Variants in TRIB3 observed in about 807,000 individuals in gnomAD.
The protein encoded by TRIB3 is tribbles pseudokinase 3.
In TRIB3, 20 loss-of-function variants were observed where a neutral mutation model predicts 16.6. The ratio of observed to expected loss-of-function variants is 1.20; its 90% CI spans 0.85 to 1.75. The LOEUF (loss-of-function observed/expected upper bound fraction) is 1.75, where lower values mean the gene tolerates loss of function less well. Ranked by LOEUF, TRIB3 falls within the 40% of genes most tolerant of loss-of-function variation. The pLI is 0.00. For missense variants in TRIB3, 484 were observed against 488.9 expected, an observed-to-expected ratio of 0.99 and a Z score of 0.10; for synonymous variants, 208 against 217.0, an observed-to-expected ratio of 0.96 and a Z score of 0.36.
At position 396,816 on chromosome 20, in the gene TRIB3, G is replaced by A. The variant is rs1442908833; in HGVS notation, c.*126G>A. 4 of 1,389,568 alleles carry A rather than the reference G, an allele frequency of 2.9e-6. No homozygotes were observed. Among genetic ancestry groups the A allele is most frequent in the Admixed American group, 2.4e-5 (1 of 42,350 alleles). The allele number at this position is 1,389,568 out of a possible 1,614,324, so 86.1% of individuals were successfully genotyped here. A position where few individuals can be genotyped will look rare whatever the true frequency, so the allele number is the denominator to read the frequency against. On this transcript the variant is annotated 3_prime_UTR_variant, in exon 4 of 4. Transcript: ENST00000217233. ...CCAGAAGGGAGAAAGGCAGAAGCCT[G>A]TGTGGAGTGTGCTGTGTACACATCT...
In TRIB3 at chr20:386,765, G is replaced by GA. The variant is rs575618203; in HGVS notation, c.1-1246_1-1245insA. On this transcript the variant is annotated intron_variant, in intron 1 of 3. Transcript: ENST00000217233. ...TTTTTCTATTTTTAGTAGAGATGGGGTTTCACCATGTTGGCCAGGCTGGTC... is the reference window on the plus strand; with the variant it reads ...TTTTTCTATTTTTAGTAGAGATGGGGATTTCACCATGTTGGCCAGGCTGGTC... Among the ~76,000 whole-genome samples the GA allele has an allele frequency of 1.3e-4, 19 of 151,440 alleles. 1 individual carries two copies. The South Asian group carries it at 4.0e-3, about 32-fold the overall frequency.
chr20:392,302 G>T (rs1418788516), intron 3 of TRIB3, among the ~76,000 whole-genome samples: 1 of 152,122 alleles, frequency 6.6e-6, no homozygotes, highest in Non-Finnish European at 1.5e-5. Context: ...CAGAGCCTGG[G>T]TCTTAATTCA....
intron 3 of TRIB3, among the ~76,000 whole-genome samples, chr20:395,376 GTCTTGAAC>G (rs2015097378): frequency 6.6e-6 from 1 of 151,874 alleles, no homozygotes. Context: ...GCCCAGGCTG[GTCTTGAAC>G]TCCTGAACTC....
rs560783128 is a variant in TRIB3 at position 392,461 on chromosome 20, G to A, written c.584+882G>A. On this transcript the variant is annotated intron_variant, in intron 3 of 3. Coordinates refer to ENST00000217233, the MANE Select transcript of TRIB3 (RefSeq NM_021158.5). ...ATTCCAAGACCACAGCCAAAATAGG[G>A]TCTGAGGTTCCCCACACGGGAACGT... Among the ~76,000 whole-genome samples, 7 of 152,238 alleles carry A rather than the reference G, an allele frequency of 4.6e-5. No individual in the cohort carries two copies. The South Asian group carries it at 6.2e-4, about 14-fold the overall frequency.
rs139029804 is a variant in TRIB3, at chr20:396,357, C to T, written c.744C>T (p.Gly248=). The change falls in exon 4 of 4, where the codon GGC becomes GGT. Residue 248 remains glycine, a synonymous_variant. Coordinates refer to ENST00000217233, the MANE Select transcript of TRIB3 (RefSeq NM_021158.5). Reference sequence around the variant, plus strand: ...AGGCAGCCGATGTCTGGAGCCTGGGCGTGGCGCTCTTCACCATGCTGGCCG... The same window carrying T: ...AGGCAGCCGATGTCTGGAGCCTGGGTGTGGCGCTCTTCACCATGCTGGCCG... ...SGKAADVWSL[G]VALFTMLAGH... 65 of 1,613,562 alleles carry T rather than the reference C, an allele frequency of 4.0e-5. 1 individual carries two copies. The highest frequency in any genetic ancestry group is 6.7e-5 in the African/African-American group (5 of 74,958).
chr20:388,039 C>G lies in TRIB3; in HGVS notation c.29C>G (p.Ala10Gly). The G allele has an allele frequency of 6.2e-7, 1 of 1,613,928 alleles. No individual in the cohort carries two copies. Among genetic ancestry groups the G allele is most frequent in the Non-Finnish European group, 8.5e-7 (1 of 1,179,886 alleles). Reference sequence around the variant, plus strand: ...CGAGCCACCCCTCTGGCTGCTCCTGCGGGTTCCCTGTCCAGGAAGAAGCGG... The same window carrying G: ...CGAGCCACCCCTCTGGCTGCTCCTGGGGGTTCCCTGTCCAGGAAGAAGCGG... MRATPLAAP[A>G]GSLSRKKRLE... The change falls in exon 2 of 4, where the codon GCG becomes GGG. Residue 10 changes from alanine to glycine, a missense_variant. By Grantham distance (60) the Ala-to-Gly change is moderately conservative. Transcript: ENST00000217233.
At chr20:389,033 G>A (rs2014901139) in intron 2 of TRIB3, among the ~76,000 whole-genome samples, 1 of 152,090 alleles carries the variant, frequency 6.6e-6, no homozygotes, top group South Asian at 2.1e-4. Flanking sequence ...GGCCCCTGAG[G>A]GTCAGCCCAT....
At position 396,383 on chromosome 20, in the gene TRIB3, G is replaced by A. The variant is rs866148993; in HGVS notation, c.770G>A (p.Gly257Asp). The A allele has an allele frequency of 6.2e-6, 10 of 1,613,444 alleles. No homozygotes were observed. The highest frequency in any genetic ancestry group is 1.1e-5 in the South Asian group (1 of 91,090). ...LGVALFTMLA[G>D]HYPFQDSEPV... ...GTGGCGCTCTTCACCATGCTGGCCG[G>A]CCACTACCCCTTCCAGGACTCGGAG... Residue 257 changes from glycine (G) to aspartate (D), a missense_variant, in exon 4 of 4, where the codon GGC becomes GAC. Transcript: ENST00000217233.
intron 1 of TRIB3, among the ~76,000 whole-genome samples, chr20:382,046 G>A (rs1211455032): frequency 2.0e-5 from 3 of 152,174 alleles, no homozygotes; most frequent in African/African-American, 7.2e-5. Flanking sequence ...GGGCGGGGCG[G>A]GGTGGGGGTG....
rs1462504433 is a variant in TRIB3 at position 388,147 on chromosome 20, G to A, written c.137G>A (p.Cys46Tyr). The A allele has an allele frequency of 2.2e-5, 36 of 1,614,090 alleles. No homozygotes were observed. The highest frequency in any genetic ancestry group is 2.6e-5 in the Non-Finnish European group (31 of 1,180,022). The stretch of plus-strand genomic sequence containing the variant: ...GGGCCCCAGCCCAGACTGCCCCCCT[G>A]CCTGTTGCCCCTGAGCCCACCTACT... ...RSGPQPRLPP[C>Y]LLPLSPPTAP... is the part of the protein sequence containing the mutation. Residue 46 changes from cysteine (C) to tyrosine (Y), a missense_variant, in exon 2 of 4, where the codon TGC (cysteine) becomes TAC (tyrosine). By Grantham distance (194) the Cys-to-Tyr change is radical. Coordinates refer to ENST00000217233, the MANE Select transcript of TRIB3 (RefSeq NM_021158.5).
At chr20:385,831 G>C (rs1462198716) in intron 1 of TRIB3, 1 of 150,910 alleles carries the variant, frequency 6.6e-6, no homozygotes, top group Non-Finnish European at 1.5e-5. Flanking sequence ...ATGCTTCTCT[G>C]TATAGTAGGG....
chr20:387,901 A>G, intron 1 of TRIB3, 110 bp from the exon 2 acceptor site: 1 of 1,294,444 alleles, frequency 7.7e-7, no homozygotes, highest in Non-Finnish European at 1.1e-6. Context: ...TTTAACACAC[A>G]CTGCCAGATC....
chr20:382,442 C>T (rs1262870669), intron 1 of TRIB3: 3 of 1,246,248 alleles, frequency 2.4e-6, no homozygotes, highest in Admixed American at 4.1e-5. Context: ...GGGCACAAAG[C>T]ATGTGCACAG....
At chr20:381,775 G>T (rs1419226320) in intron 1 of TRIB3, among the ~76,000 whole-genome samples, 1 of 152,174 alleles carries the variant, frequency 6.6e-6, no homozygotes, top group East Asian at 1.9e-4. Context: ...GGGAGCGGGG[G>T]CGCAGCGCGC....
chr20:391,205 A>G (rs1568535573), intron 2 of TRIB3, 82 bp from the exon 3 acceptor site: 1 of 1,474,078 alleles, frequency 6.8e-7, no homozygotes, highest in Non-Finnish European at 9.2e-7. Flanking sequence ...GTAGTGTCTA[A>G]TAGGTCAGCT....
At position 396,288 on chromosome 20, in the gene TRIB3, C is replaced by T. The variant is rs564546115; in HGVS notation, c.675C>T (p.Tyr225=). ...GGGACAAGCACGCGTGCCCAGCCTA[C>T]GTGGGACCTGAGATACTCAGCTCAC... The part of the protein sequence containing the change: ...SLWDKHACPA[Y]VGPEILSSRA... Residue 225 remains tyrosine (Y), a synonymous_variant, in exon 4 of 4, where the codon TAC becomes TAT. Coordinates refer to ENST00000217233, the MANE Select transcript of TRIB3 (RefSeq NM_021158.5). 40 of 1,613,942 alleles carry T rather than the reference C, an allele frequency of 2.5e-5. No individual in the cohort carries two copies. Among genetic ancestry groups the T allele is most frequent in the East Asian group, 1.1e-4 (5 of 44,894 alleles).
chr20:383,062 G>A (rs1460095052), intron 1 of TRIB3, among the ~76,000 whole-genome samples: 1 of 152,204 alleles, frequency 6.6e-6, no homozygotes, highest in Non-Finnish European at 1.5e-5. Flanking sequence ...GTTTAAGTGG[G>A]TGGGCAGATG....
rs553702980 is a variant in TRIB3 at position 392,138 on chromosome 20, C to G, written c.584+559C>G. Among the ~76,000 whole-genome samples, 15 of 152,280 alleles carry G rather than the reference C, an allele frequency of 9.9e-5. No homozygotes were observed. The South Asian group carries it at 3.1e-3, about 32-fold the overall frequency. On this transcript the variant is annotated intron_variant, in intron 3 of 3. Coordinates refer to ENST00000217233, the MANE Select transcript of TRIB3 (RefSeq NM_021158.5). ...AGTGACGAAAGCATCGCCACATTAT[C>G]TAACGTGGTCTTCCATCCTTACAAA...
At chr20:394,032 C>CTTTTT (rs745870371) in intron 3 of TRIB3, among the ~76,000 whole-genome samples, 33 of 123,648 alleles carry the variant, frequency 2.7e-4, no homozygotes, top group African/African-American at 4.4e-4. Context: ...TTCTTTCTTT[C>CTTTTT]TTTTTTTTTT....
Sources: allele counts gnomAD v4.1 joint callset (sites outside exome capture counted in the v4.1 genomes callset), GRCh38; gene constraint gnomAD v4.1.1; transcripts MANE v1.5; gene names NCBI Gene and HGNC (gene_info 2026-07-23, HGNC 2026-07-21).